Variants in SPAG16 observed in about 807,000 individuals in gnomAD.
The protein encoded by SPAG16 is sperm associated antigen 16, also known as sperm-associated antigen 16 protein.
SPAG16 carries 86 observed loss-of-function variants against 80.4 expected under a neutral mutation model. The ratio of observed to expected loss-of-function variants is 1.07; its 90% CI spans 0.90 to 1.28. SPAG16 has a LOEUF of 1.28. Ranked by LOEUF, SPAG16 falls within the 50% of genes most tolerant of loss-of-function variation. SPAG16 has a pLI of 0.00. For synonymous variants in SPAG16, 294 were observed against 265.9 expected (o/e 1.11, Z -1.03); for missense variants, 870 against 765.3 (o/e 1.14, Z -1.61).
intron 10 of SPAG16, among the ~76,000 whole-genome samples, chr2:213,610,861 ATAT>A (rs1226560101): frequency 6.6e-6 from 1 of 152,256 alleles, no homozygotes; most frequent in African/African-American, 2.4e-5. Flanking sequence ...GCAAGAATCA[ATAT>A]TATTATCTTT....
intron 10 of SPAG16, among the ~76,000 whole-genome samples, chr2:213,709,498 T>G (rs1306919431): frequency 6.6e-6 from 1 of 152,212 alleles, no homozygotes; most frequent in Non-Finnish European, 1.5e-5. Flanking sequence ...ATGTTTCATG[T>G]ACCTATGATT....
At chr2:213,620,310 T>TTTTTTTTAAG in intron 10 of SPAG16, among the ~76,000 whole-genome samples, 1 of 111,658 alleles carries the variant, frequency 9.0e-6, no homozygotes, top group African/African-American at 3.2e-5. Flanking sequence ...TTTTTTTTTT[T>TTTTTTTTAAG]GAGACGGAGT....
intron 10 of SPAG16, among the ~76,000 whole-genome samples, chr2:213,621,959 G>A (rs1002098878): frequency 6.6e-6 from 1 of 152,120 alleles, no homozygotes; most frequent in African/African-American, 2.4e-5. Context: ...ATAAGTCTTA[G>A]AACCATTGGA....
chr2:213,586,671 A>G (rs552056671), intron 10 of SPAG16, among the ~76,000 whole-genome samples: 39 of 152,354 alleles, frequency 2.6e-4, no homozygotes, highest in South Asian at 1.0e-3. Context: ...TAAATCAGAT[A>G]TGGGTGAGAC....
chr2:213,729,640 A>G (rs891146002), intron 10 of SPAG16, among the ~76,000 whole-genome samples: 1 of 152,196 alleles, frequency 6.6e-6, no homozygotes, highest in Non-Finnish European at 1.5e-5. Context: ...CTGTCAGCTT[A>G]TAAACAACAT....
At chr2:214,105,945 G>A (rs768735657) in intron 13 of SPAG16, among the ~76,000 whole-genome samples, 4 of 151,860 alleles carry the variant, frequency 2.6e-5, no homozygotes, top group African/African-American at 4.8e-5. Flanking sequence ...AATGTGGTCC[G>A]TCAGCATTTC....
intron 12 of SPAG16, among the ~76,000 whole-genome samples, chr2:213,955,127 T>G (rs1303560595): frequency 6.6e-6 from 1 of 152,170 alleles, no homozygotes; most frequent in Non-Finnish European, 1.5e-5. Context: ...TATGGTATAT[T>G]TTGCAGCACA....
chr2:213,820,833 C>T (rs1395000511), intron 10 of SPAG16, among the ~76,000 whole-genome samples: 1 of 151,794 alleles, frequency 6.6e-6, no homozygotes, highest in Non-Finnish European at 1.5e-5. Context: ...TACTATCAAC[C>T]TAACTTTATT....
chr2:213,879,088 C>T (rs2076248112), intron 11 of SPAG16, among the ~76,000 whole-genome samples: 1 of 151,946 alleles, frequency 6.6e-6, no homozygotes, highest in African/African-American at 2.4e-5. Flanking sequence ...AATGTGATGC[C>T]TCCAAATTTG....
At chr2:213,749,790 A>G (rs2068000473) in intron 10 of SPAG16, among the ~76,000 whole-genome samples, 1 of 152,120 alleles carries the variant, frequency 6.6e-6, no homozygotes, top group Admixed American at 6.5e-5. Context: ...TACTTAGGCT[A>G]TAAATTTATT....
At chr2:213,923,855 C>T (rs189068876) in intron 11 of SPAG16, 1 of 152,546 alleles carries the variant, frequency 6.6e-6, no homozygotes, top group East Asian at 1.9e-4. Context: ...GCTGGAGGCT[C>T]TAGCAGTTGT....
At chr2:213,679,010 T>C (rs2064243237) in intron 10 of SPAG16, among the ~76,000 whole-genome samples, 1 of 152,160 alleles carries the variant, frequency 6.6e-6, no homozygotes, top group Non-Finnish European at 1.5e-5. Flanking sequence ...TTCCTTTTCT[T>C]GGTTCCTGGT....
chr2:214,004,072 A>G (rs2046917406), intron 12 of SPAG16, among the ~76,000 whole-genome samples: 1 of 152,202 alleles, frequency 6.6e-6, no homozygotes, highest in East Asian at 1.9e-4. Context: ...AGGTGACTCA[A>G]ATTTTTCAAG....
chr2:213,502,323 A>G (rs975305633), intron 10 of SPAG16, among the ~76,000 whole-genome samples: 7 of 152,012 alleles, frequency 4.6e-5, no homozygotes, highest in African/African-American at 1.7e-4. Context: ...GGGTCTTGCC[A>G]TGTTTCCCAG....
chr2:213,432,759 G>C (rs116010665), intron 9 of SPAG16, among the ~76,000 whole-genome samples: 2,642 of 152,180 alleles, frequency 0.017, 65 homozygotes, highest in African/African-American at 0.049. Context: ...TATTAGGCCA[G>C]TATCTCCCTG....
intron 10 of SPAG16, among the ~76,000 whole-genome samples, chr2:213,802,393 G>GTCTC (rs1553634393): frequency 7.9e-6 from 1 of 126,002 alleles, no homozygotes; most frequent in Admixed American, 8.5e-5. Context: ...AATGATTCAT[G>GTCTC]TCTCTATCTA....
At chr2:214,296,543 C>A (rs932127942) in intron 15 of SPAG16, among the ~76,000 whole-genome samples, 5 of 152,162 alleles carry the variant, frequency 3.3e-5, no homozygotes, top group Non-Finnish European at 7.3e-5. Context: ...ACATCCACAC[C>A]AACATCTGTG....
chr2:214,123,452 C>A (rs1320652985), intron 14 of SPAG16, among the ~76,000 whole-genome samples: 2 of 151,840 alleles, frequency 1.3e-5, no homozygotes, highest in Admixed American at 6.6e-5. Flanking sequence ...ACTTTAAAAC[C>A]TTTTGGCATA....
At chr2:213,431,813 G>A (rs1297227616) in intron 9 of SPAG16, among the ~76,000 whole-genome samples, 7 of 151,908 alleles carry the variant, frequency 4.6e-5, no homozygotes, top group South Asian at 2.1e-4. Context: ...TCTCATCAGC[G>A]CATGCAGCAT....
Sources: allele counts gnomAD v4.1 joint callset (sites outside exome capture counted in the v4.1 genomes callset), GRCh38; gene constraint gnomAD v4.1.1; transcripts MANE v1.5; gene names NCBI Gene and HGNC (gene_info 2026-07-23, HGNC 2026-07-21).